Variants in AUTS2 observed in about 807,000 individuals in gnomAD.
AUTS2 encodes autism susceptibility gene 2 protein.
AUTS2 carries 17 observed loss-of-function variants against 112.4 expected under a neutral mutation model. The observed-to-expected ratio is 0.15, with a 90% CI of 0.10 to 0.23. The LOEUF (loss-of-function observed/expected upper bound fraction) is 0.23, where lower values mean the gene tolerates loss of function less well. AUTS2 is among the 10% of genes least tolerant of loss of function. The probability of loss-of-function intolerance (pLI) is 1.00; values close to 1 mark genes in which losing one functional copy is unlikely to be tolerated. For missense variants in AUTS2, 1,510 were observed against 1,701.6 expected, an observed-to-expected ratio of 0.89 and a Z score of 1.98; for synonymous variants, 751 against 702.7, an observed-to-expected ratio of 1.07 and a Z score of -1.09.
intron 1 of AUTS2, among the ~76,000 whole-genome samples, chr7:69,873,444 GAGTTAGCAGTC>G (rs1236046195): frequency 6.8e-6 from 1 of 146,248 alleles, no homozygotes; most frequent in African/African-American, 2.6e-5. Context: ...TTGCATCCCA[GAGTTAGCAGTC>G]AGGGTTGAGA....
chr7:70,057,882 TC>T (rs1802064642), intron 2 of AUTS2, among the ~76,000 whole-genome samples: 1 of 152,218 alleles, frequency 6.6e-6, no homozygotes, highest in Non-Finnish European at 1.5e-5. Context: ...GTTAGCCTCT[TC>T]CCTCTTAAGT....
intron 2 of AUTS2, among the ~76,000 whole-genome samples, chr7:70,114,624 C>G (rs577834786): frequency 6.6e-6 from 1 of 152,048 alleles, no homozygotes; most frequent in African/African-American, 2.4e-5. Flanking sequence ...GAAACCCCAT[C>G]TGTACTAAAA....
intron 2 of AUTS2, among the ~76,000 whole-genome samples, chr7:70,084,063 A>C (rs1428726929): frequency 6.6e-6 from 1 of 152,144 alleles, no homozygotes. Flanking sequence ...TGGCAAAAAA[A>C]CAAAACAAAC....
chr7:70,790,955 A>G lies in AUTS2; in HGVS notation c.3739A>G (p.Arg1247Gly). The G allele has an allele frequency of 6.6e-7, 1 of 1,511,746 alleles. No homozygotes were observed. The highest frequency in any genetic ancestry group is 8.8e-7 in the Non-Finnish European group (1 of 1,129,998). 93.6% of individuals were successfully genotyped at this position (1,511,746 alleles called of 1,614,324 possible). The change falls in exon 19 of 19, where the codon AGG (arginine) becomes GGG (glycine). Residue 1247 changes from arginine (R) to glycine (G), a missense_variant. Physicochemically the swap from Arg to Gly is moderately radical, Grantham distance 125. Around this residue, in one of 3 missense-constraint regions of AUTS2, gnomAD observed 788 missense variants for 797.6 expected, o/e 0.99. Coordinates refer to ENST00000342771, the MANE Select transcript of AUTS2 (RefSeq NM_015570.4). This position sits in a 1 kb window ranked among gnomAD's most constrained non-coding sequence, Gnocchi z 7.6. ...TTPLSAEIRE[R>G]PPSHTLKDIE... ...TCCTCTGTCCGCAGAGATAAGGGAGAGGCCCCCTTCCCACACGCTGAAGGA... is the reference window on the plus strand; with the variant it reads ...TCCTCTGTCCGCAGAGATAAGGGAGGGGCCCCCTTCCCACACGCTGAAGGA...
At chr7:70,363,376 G>A (rs551878075) in intron 4 of AUTS2, among the ~76,000 whole-genome samples, 1 of 141,102 alleles carries the variant, frequency 7.1e-6, no homozygotes, top group South Asian at 2.1e-4. Context: ...GGTGGGTGCA[G>A]CGCACCAGCA....
chr7:69,755,777 T>G (rs539526942), intron 1 of AUTS2, among the ~76,000 whole-genome samples: 1 of 152,254 alleles, frequency 6.6e-6, no homozygotes, highest in East Asian at 1.9e-4. Context: ...TTGACTTGGA[T>G]GGACACTTTG....
intron 6 of AUTS2, among the ~76,000 whole-genome samples, chr7:70,708,936 G>A (rs1247699179): frequency 1.6e-5 from 1 of 62,786 alleles, no homozygotes; most frequent in Non-Finnish European, 3.3e-5. Context: ...TTTTTTTTTT[G>A]AGACCAAGTC....
chr7:70,622,889 G>A (rs2129536955), intron 5 of AUTS2, among the ~76,000 whole-genome samples: 1 of 152,262 alleles, frequency 6.6e-6, no homozygotes, highest in South Asian at 2.1e-4. Context: ...CAAGAGTTGG[G>A]GGTTGGCCAA....
chr7:70,365,396 G>C (rs984816567), intron 4 of AUTS2, among the ~76,000 whole-genome samples: 1 of 152,232 alleles, frequency 6.6e-6, no homozygotes, highest in African/African-American at 2.4e-5. Context: ...GCTCAGAACA[G>C]ATGGAGAAAC....
chr7:70,424,030 A>G (rs915598179), intron 4 of AUTS2, among the ~76,000 whole-genome samples: 1 of 152,202 alleles, frequency 6.6e-6, no homozygotes, highest in African/African-American at 2.4e-5. Context: ...CTGCTTTCAC[A>G]TACCTGAACT....
intron 1 of AUTS2, among the ~76,000 whole-genome samples, chr7:69,866,439 T>G (rs1793236542): frequency 6.6e-6 from 1 of 152,172 alleles, no homozygotes. Context: ...GAGTGTACTT[T>G]GTTGCTCTAG....
chr7:70,017,585 C>T (rs768292001), intron 2 of AUTS2, among the ~76,000 whole-genome samples: 31 of 152,244 alleles, frequency 2.0e-4, no homozygotes, highest in Admixed American at 7.2e-4. Flanking sequence ...GTTCCCTGCC[C>T]TGCAGGGGAT....
At chr7:69,934,882 G>A (rs971559468) in intron 2 of AUTS2, among the ~76,000 whole-genome samples, 7 of 152,162 alleles carry the variant, frequency 4.6e-5, no homozygotes, top group African/African-American at 1.7e-4. Context: ...TGATGTGCGT[G>A]TGTACCTGTG....
intron 5 of AUTS2, among the ~76,000 whole-genome samples, chr7:70,485,509 T>C (rs927640040): frequency 2.6e-5 from 4 of 152,076 alleles, no homozygotes; most frequent in East Asian, 3.9e-4. Flanking sequence ...AGGCTACATA[T>C]TGGATATAGT....
chr7:70,634,243 C>T (rs1387562167), intron 5 of AUTS2, among the ~76,000 whole-genome samples: 2 of 152,168 alleles, frequency 1.3e-5, no homozygotes, highest in Non-Finnish European at 2.9e-5. Flanking sequence ...GGACAGGAGG[C>T]ATCTCCCTGT....
intron 1 of AUTS2, among the ~76,000 whole-genome samples, chr7:69,864,405 T>G (rs1160212657): frequency 6.6e-6 from 1 of 152,204 alleles, no homozygotes; most frequent in Non-Finnish European, 1.5e-5. Flanking sequence ...TGGTTCCCTC[T>G]CCTTAATTTG....
chr7:70,336,870 T>A (rs1791013430), intron 4 of AUTS2, among the ~76,000 whole-genome samples: 1 of 152,198 alleles, frequency 6.6e-6, no homozygotes, highest in African/African-American at 2.4e-5. Flanking sequence ...AATTATATTC[T>A]CTAACACTAC....
intron 1 of AUTS2, among the ~76,000 whole-genome samples, chr7:69,799,111 C>T (rs1789972612): frequency 1.3e-5 from 2 of 151,818 alleles, no homozygotes; most frequent in Non-Finnish European, 1.5e-5. Flanking sequence ...TCAGTTTATG[C>T]CTTCCCTGGA....
intron 6 of AUTS2, among the ~76,000 whole-genome samples, chr7:70,703,269 A>T (rs1182285382): frequency 1.3e-5 from 2 of 152,094 alleles, no homozygotes; most frequent in Non-Finnish European, 1.5e-5. Flanking sequence ...CTGAGGCAGG[A>T]GGATTGCTTG....
Sources: allele counts gnomAD v4.1 joint callset (sites outside exome capture counted in the v4.1 genomes callset), GRCh38; gene constraint gnomAD v4.1.1; regional missense constraint gnomAD v4.1.1; non-coding constraint Gnocchi (gnomAD v3.1); transcripts MANE v1.5; gene names NCBI Gene and HGNC (gene_info 2026-07-23, HGNC 2026-07-21).